Variants in CSMD1 observed in about 807,000 individuals in gnomAD.
CSMD1 encodes the protein CUB and Sushi multiple domains 1.
CSMD1 carries 213 observed loss-of-function variants against 417.5 expected under a neutral mutation model. That is an observed-to-expected ratio of 0.51 (90% confidence interval 0.46 to 0.57). CSMD1 has a LOEUF of 0.57. Among genes scored for constraint, CSMD1 ranks in the 20% least tolerant of loss-of-function variants. CSMD1 has a pLI of 0.00. For missense variants in CSMD1, 6,923 were observed against 4,529.7 expected (o/e 1.53, Z -15.17); for synonymous variants, 2,862 against 1,736.8 (o/e 1.65, Z -16.11).
chr8:4,279,620 G>A (rs181857130), intron 3 of CSMD1, among the ~76,000 whole-genome samples: 121 of 152,256 alleles, frequency 7.9e-4, no homozygotes, highest in Non-Finnish European at 1.2e-3. Flanking sequence ...AAGGATAAAT[G>A]CTTAACTTTG....
intron 1 of CSMD1, among the ~76,000 whole-genome samples, chr8:4,979,044 C>T (rs1240968018): frequency 6.6e-6 from 1 of 152,134 alleles, no homozygotes; most frequent in Non-Finnish European, 1.5e-5. Flanking sequence ...TTCCTCTCAT[C>T]GTTCTTTTCA....
chr8:3,541,650 T>C (rs1316841320), intron 10 of CSMD1, among the ~76,000 whole-genome samples: 8 of 149,898 alleles, frequency 5.3e-5, no homozygotes, highest in African/African-American at 1.9e-4. Context: ...CTAATCAAAT[T>C]AATCAAAATA....
At chr8:3,753,493 G>A (rs929143780) in intron 6 of CSMD1, among the ~76,000 whole-genome samples, 22 of 152,266 alleles carry the variant, frequency 1.4e-4, no homozygotes, top group African/African-American at 5.3e-4. Context: ...GTAAATTACT[G>A]AATCATGCAT....
intron 3 of CSMD1, among the ~76,000 whole-genome samples, chr8:4,071,480 CT>C (rs1167879012): frequency 1.3e-5 from 2 of 151,948 alleles, no homozygotes; most frequent in African/African-American, 2.4e-5. Context: ...ATATTTCTAA[CT>C]TTTTTTCACC....
intron 3 of CSMD1, among the ~76,000 whole-genome samples, chr8:4,210,939 G>C (rs116504653): frequency 1.1e-4 from 16 of 152,208 alleles, no homozygotes; most frequent in African/African-American, 3.6e-4. Context: ...ATTGTCTGGA[G>C]TTCTGCTTTA....
chr8:4,074,554 T>A (rs79725619), intron 3 of CSMD1, among the ~76,000 whole-genome samples: 1 of 152,224 alleles, frequency 6.6e-6, no homozygotes, highest in Non-Finnish European at 1.5e-5. Context: ...ATATTCCCAG[T>A]GGAAGTTAAA....
intron 20 of CSMD1, among the ~76,000 whole-genome samples, chr8:3,360,705 G>T (rs965691025): frequency 6.6e-6 from 1 of 152,112 alleles, no homozygotes; most frequent in Non-Finnish European, 1.5e-5. Flanking sequence ...AGAAAACTAT[G>T]CTAATCTTTC....
chr8:3,704,747 C>G (rs563148740), intron 7 of CSMD1: 9 of 152,326 alleles, frequency 5.9e-5, no homozygotes, highest in African/African-American at 2.2e-4. Context: ...TGACCTTGAT[C>G]TGTTTAATTA....
rs773444208 is a variant in CSMD1, at chr8:3,142,690, C to A, written c.6032-16G>T. 20 of 1,582,102 alleles carry A rather than the reference C, an allele frequency of 1.3e-5. No homozygotes were observed. The highest frequency in any genetic ancestry group is 1.7e-5 in the Non-Finnish European group (20 of 1,151,230). On this transcript the variant is annotated splice_polypyrimidine_tract_variant and intron_variant, in intron 40 of 69. Transcript: ENST00000635120. ...ATATGTGCACCTATGGAAAAACATGCAAACTTAATGAAAGTTCATATCAAA... is the reference window on the plus strand; with the variant it reads ...ATATGTGCACCTATGGAAAAACATGAAAACTTAATGAAAGTTCATATCAAA...
chr8:4,915,252 C>G (rs1480655181), intron 1 of CSMD1, among the ~76,000 whole-genome samples: 4 of 152,066 alleles, frequency 2.6e-5, no homozygotes, highest in African/African-American at 9.7e-5. Flanking sequence ...CAAGAAAAAT[C>G]TAACACAAAT....
chr8:3,342,389 T>C (rs1294300881), intron 23 of CSMD1, among the ~76,000 whole-genome samples: 3 of 152,210 alleles, frequency 2.0e-5, no homozygotes, highest in Admixed American at 1.3e-4. Flanking sequence ...ACCCAAACTT[T>C]TAAATTTCTA....
intron 5 of CSMD1, among the ~76,000 whole-genome samples, chr8:3,801,198 G>T (rs988534314): frequency 2.0e-5 from 3 of 151,144 alleles, no homozygotes; most frequent in African/African-American, 7.3e-5. Context: ...GAAAATATTT[G>T]CAAATACTAC....
At chr8:3,835,381 C>T (rs532854745) in intron 5 of CSMD1, among the ~76,000 whole-genome samples, 125 of 152,056 alleles carry the variant, frequency 8.2e-4, no homozygotes, top group Middle Eastern at 6.8e-3. Flanking sequence ...TGGAATACTA[C>T]GCAGCCATAA....
chr8:4,982,060 A>T (rs1415551119), intron 1 of CSMD1, among the ~76,000 whole-genome samples: 2 of 152,116 alleles, frequency 1.3e-5, no homozygotes, highest in Non-Finnish European at 2.9e-5. Flanking sequence ...CCAGCTGCCC[A>T]ACTATCTTAG....
chr8:3,961,368 C>G (rs897406812), intron 5 of CSMD1, among the ~76,000 whole-genome samples: 9 of 152,192 alleles, frequency 5.9e-5, no homozygotes, highest in Non-Finnish European at 2.9e-5. Flanking sequence ...AACAAGGATT[C>G]TGATTATCTA....
At chr8:3,261,788 T>C (rs1007138588) in intron 26 of CSMD1, among the ~76,000 whole-genome samples, 2 of 151,930 alleles carry the variant, frequency 1.3e-5, no homozygotes, top group African/African-American at 4.8e-5. Context: ...AGCACATTTG[T>C]GAAATGATCA....
intron 3 of CSMD1, among the ~76,000 whole-genome samples, chr8:4,143,890 G>C (rs989864281): frequency 6.6e-6 from 1 of 151,012 alleles, no homozygotes; most frequent in Admixed American, 6.6e-5. Context: ...GAAGAATTTG[G>C]TCCCTGGCTA....
chr8:4,153,891 C>G (rs1796694571), intron 3 of CSMD1, among the ~76,000 whole-genome samples: 1 of 152,230 alleles, frequency 6.6e-6, no homozygotes, highest in Admixed American at 6.5e-5. Context: ...AAACTAACAT[C>G]TCAGATTCCA....
intron 1 of CSMD1, among the ~76,000 whole-genome samples, chr8:4,639,527 C>T (rs979892464): frequency 2.6e-5 from 4 of 152,054 alleles, no homozygotes; most frequent in African/African-American, 7.2e-5. Context: ...TGTTTCTTAC[C>T]TTCTTAATAT....
Sources: gnomAD v4.1 joint callset for allele counts (sites outside exome capture counted in the v4.1 genomes callset) on GRCh38, gnomAD v4.1.1 for gene constraint, MANE v1.5 for transcripts, NCBI Gene and HGNC (gene_info 2026-07-23, HGNC 2026-07-21) for gene names.